Variants in CHRM3 observed in about 807,000 individuals in gnomAD.
CHRM3 encodes the protein cholinergic receptor muscarinic 3, also known as muscarinic acetylcholine receptor M3.
CHRM3 carries 11 observed loss-of-function variants against 41.8 expected under a neutral mutation model. That is an observed-to-expected ratio of 0.26 (90% CI 0.17 to 0.44). The LOEUF is 0.44. Ranked by LOEUF, CHRM3 falls within the 20% of genes least tolerant of loss-of-function variation. CHRM3 has a pLI of 1.00. For synonymous variants in CHRM3, 297 were observed against 301.4 expected, an observed-to-expected ratio of 0.99 and a Z score of 0.15; for missense variants, 571 against 745.4, an observed-to-expected ratio of 0.77 and a Z score of 2.72.
At chr1:239,767,490 T>C (rs1218472481) in intron 5 of CHRM3, among the ~76,000 whole-genome samples, 1 of 152,128 alleles carries the variant, frequency 6.6e-6, no homozygotes, top group African/African-American at 2.4e-5. Flanking sequence ...AAGGGGACTT[T>C]GGGGGTTATG....
chr1:239,792,873 A>T (rs1669463565), intron 5 of CHRM3, among the ~76,000 whole-genome samples: 1 of 152,192 alleles, frequency 6.6e-6, no homozygotes, highest in African/African-American at 2.4e-5. Flanking sequence ...TTTGCATTTT[A>T]TGGCAAGACC....
chr1:239,615,867 T>C (rs1398445142), intron 3 of CHRM3, among the ~76,000 whole-genome samples: 2 of 152,228 alleles, frequency 1.3e-5, no homozygotes, highest in Admixed American at 1.3e-4. Flanking sequence ...CTTTCTTACA[T>C]GCCACTCTTC....
At chr1:239,704,114 A>G (rs1409134487) in intron 5 of CHRM3, 3 of 152,168 alleles carry the variant, frequency 2.0e-5, no homozygotes, top group Admixed American at 2.0e-4. Flanking sequence ...AGTTTCTGAA[A>G]TGCCTCTTTA....
At chr1:239,418,796 A>T (rs148392079) in intron 1 of CHRM3, among the ~76,000 whole-genome samples, 2 of 152,322 alleles carry the variant, frequency 1.3e-5, no homozygotes, top group Non-Finnish European at 2.9e-5. Context: ...GAAGGGAAAC[A>T]GTGCCCAGGA....
intron 5 of CHRM3, among the ~76,000 whole-genome samples, chr1:239,753,242 C>T (rs1451806040): frequency 6.6e-6 from 1 of 152,102 alleles, no homozygotes; most frequent in Non-Finnish European, 1.5e-5. Flanking sequence ...CTATGTTGTT[C>T]AGAAGGGTAC....
chr1:239,730,500 A>C (rs1663865997), intron 5 of CHRM3: 1 of 152,024 alleles, frequency 6.6e-6, no homozygotes, highest in Non-Finnish European at 1.5e-5. Context: ...CTTAAGGGAA[A>C]TATTCTATCA....
At chr1:239,758,417 C>A (rs564235820) in intron 5 of CHRM3, among the ~76,000 whole-genome samples, 1 of 152,122 alleles carries the variant, frequency 6.6e-6, no homozygotes, top group African/African-American at 2.4e-5. Context: ...TTCCCCACCC[C>A]AACAAACAAG....
intron 3 of CHRM3, among the ~76,000 whole-genome samples, chr1:239,600,321 G>C (rs1364083292): frequency 6.6e-6 from 1 of 151,900 alleles, no homozygotes; most frequent in Non-Finnish European, 1.5e-5. Context: ...GGTGCCCTGG[G>C]AGGCTGACCC....
At chr1:239,552,049 C>T (rs1363564437) in intron 3 of CHRM3, among the ~76,000 whole-genome samples, 2 of 151,590 alleles carry the variant, frequency 1.3e-5, no homozygotes, top group African/African-American at 4.8e-5. Flanking sequence ...ATTATTAAAG[C>T]TTTGATATGC....
chr1:239,541,376 A>G (rs115338488), intron 2 of CHRM3, among the ~76,000 whole-genome samples: 105 of 152,316 alleles, frequency 6.9e-4, no homozygotes, highest in African/African-American at 2.5e-3. Context: ...CGTTACTGGG[A>G]GCTGCCTAAA....
chr1:239,892,111 G>T (rs1361485115), intron 6 of CHRM3, among the ~76,000 whole-genome samples: 1 of 152,114 alleles, frequency 6.6e-6, no homozygotes, highest in Non-Finnish European at 1.5e-5. Context: ...TTAGAATAAG[G>T]ATTCACACTG....
intron 4 of CHRM3, among the ~76,000 whole-genome samples, chr1:239,665,203 C>A (rs1673658331): frequency 6.7e-6 from 1 of 149,942 alleles, no homozygotes; most frequent in African/African-American, 2.4e-5. Flanking sequence ...TAGACCTTAC[C>A]TCCCTGTCTT....
At chr1:239,630,682 G>A (rs1443706299) in intron 3 of CHRM3, among the ~76,000 whole-genome samples, 2 of 152,108 alleles carry the variant, frequency 1.3e-5, no homozygotes, top group Non-Finnish European at 2.9e-5. Flanking sequence ...GAAGTTCTAG[G>A]TACACAGATA....
At chr1:239,448,821 G>A (rs997529090) in intron 1 of CHRM3, among the ~76,000 whole-genome samples, 1 of 152,044 alleles carries the variant, frequency 6.6e-6, no homozygotes, top group African/African-American at 2.4e-5. Context: ...TTAAAATCAG[G>A]TGCAGCATGA....
intron 3 of CHRM3, among the ~76,000 whole-genome samples, chr1:239,589,145 G>C (rs1663775224): frequency 6.6e-6 from 1 of 152,042 alleles, no homozygotes; most frequent in African/African-American, 2.4e-5. Flanking sequence ...TGTTGGCCAA[G>C]CTGGTCTCCA....
At chr1:239,508,890 C>A (rs1558276725) in intron 2 of CHRM3, among the ~76,000 whole-genome samples, 1 of 152,064 alleles carries the variant, frequency 6.6e-6, no homozygotes, top group Non-Finnish European at 1.5e-5. Context: ...GAGATGATAA[C>A]TTGGAAAAAA....
chr1:239,461,437 C>G (rs1043872139), intron 1 of CHRM3, among the ~76,000 whole-genome samples: 1 of 152,040 alleles, frequency 6.6e-6, no homozygotes, highest in Admixed American at 6.6e-5. Flanking sequence ...AAAGCTGATT[C>G]TATTTATTTA....
intron 5 of CHRM3, among the ~76,000 whole-genome samples, chr1:239,683,221 T>C (rs535253653): frequency 4.6e-5 from 7 of 152,298 alleles, no homozygotes; most frequent in African/African-American, 1.7e-4. Context: ...ATTTGTGGAA[T>C]GAGTAAATGA....
At chr1:239,454,776 G>A (rs1272413709) in intron 1 of CHRM3, among the ~76,000 whole-genome samples, 1 of 152,138 alleles carries the variant, frequency 6.6e-6, no homozygotes, top group Non-Finnish European at 1.5e-5. Context: ...ACCATATAGT[G>A]TTGTTTTCCT....
Sources: gnomAD v4.1 joint callset for allele counts (sites outside exome capture counted in the v4.1 genomes callset) on GRCh38, gnomAD v4.1.1 for gene constraint, MANE v1.5 for transcripts, NCBI Gene and HGNC (gene_info 2026-07-23, HGNC 2026-07-21) for gene names.